The following SSBP2 variants were observed in gnomAD, a reference collection of about 807,000 sequenced individuals.
The protein encoded by SSBP2 is single-stranded DNA-binding protein 2.
In SSBP2, 17 loss-of-function variants were observed where a neutral mutation model predicts 61.8. That is an observed-to-expected ratio of 0.28 (90% CI 0.19 to 0.41). The LOEUF (loss-of-function observed/expected upper bound fraction) is 0.41, where lower values mean the gene tolerates loss of function less well. Ranked by LOEUF, SSBP2 falls within the 10% of genes least tolerant of loss-of-function variation. The pLI is 1.00. For missense variants in SSBP2, 310 were observed against 458.7 expected, an observed-to-expected ratio of 0.68 and a Z score of 2.96; for synonymous variants, 139 against 141.3, an observed-to-expected ratio of 0.98 and a Z score of 0.12.
intron 1 of SSBP2, among the ~76,000 whole-genome samples, chr5:81,742,057 G>C (rs1757059581): frequency 6.6e-6 from 1 of 152,108 alleles, no homozygotes; most frequent in African/African-American, 2.4e-5. Context: ...TATTACCCTA[G>C]CTGCATAAGT....
At chr5:81,651,398 G>C (rs1749717096) in intron 1 of SSBP2, among the ~76,000 whole-genome samples, 1 of 152,142 alleles carries the variant, frequency 6.6e-6, no homozygotes, top group Non-Finnish European at 1.5e-5. Context: ...CATGAAAAGA[G>C]AAAGCTTGTA....
chr5:81,645,125 C>G (rs1025380072), intron 2 of SSBP2, among the ~76,000 whole-genome samples: 1 of 152,152 alleles, frequency 6.6e-6, no homozygotes, highest in African/African-American at 2.4e-5. Flanking sequence ...AGTATTGTTA[C>G]AATTATCATC....
Position 81,420,318 on chromosome 5 carries a change from T to A in SSBP2, c.*186A>T, listed in dbSNP as rs1761518849. 1 of 618,472 alleles carries A rather than the reference T, an allele frequency of 1.6e-6. No individual in the cohort carries two copies. The allele number at this position is 618,472 out of a possible 1,614,324, so 38.3% of individuals were successfully genotyped here. ...AATTCTAATATGCCACTCCGTACAG[T>A]TGTTTGAATCACATTTGGACCCGCT... On this transcript the variant is annotated 3_prime_UTR_variant, in exon 17 of 17. Transcript: ENST00000320672.
intron 4 of SSBP2, among the ~76,000 whole-genome samples, chr5:81,587,763 GCA>G (rs60642395): frequency 0.024 from 3,635 of 148,904 alleles, 89 homozygotes; most frequent in African/African-American, 0.065. Flanking sequence ...ACACGCGCGC[GCA>G]CACACACACA....
intron 15 of SSBP2, among the ~76,000 whole-genome samples, chr5:81,434,943 T>C (rs1762582670): frequency 6.6e-6 from 1 of 152,034 alleles, no homozygotes; most frequent in African/African-American, 2.4e-5. Flanking sequence ...GGGTATACAA[T>C]GTGCACGATG....
chr5:81,684,036 T>C (rs1407643246), intron 1 of SSBP2, among the ~76,000 whole-genome samples: 1 of 152,202 alleles, frequency 6.6e-6, no homozygotes, highest in Non-Finnish European at 1.5e-5. Flanking sequence ...TGGAGGACAA[T>C]TTGGTAGCTT....
chr5:81,542,486 A>G (rs115462875), intron 4 of SSBP2, among the ~76,000 whole-genome samples: 1 of 152,264 alleles, frequency 6.6e-6, no homozygotes, highest in Non-Finnish European at 1.5e-5. Context: ...TACTCACAAT[A>G]GCAAAGACAT....
intron 1 of SSBP2, among the ~76,000 whole-genome samples, chr5:81,692,988 G>C (rs193100579): frequency 6.6e-6 from 1 of 151,862 alleles, no homozygotes; most frequent in South Asian, 2.1e-4. Context: ...GGTGGATCAC[G>C]AGGTCAGGAG....
chr5:81,475,169 C>G (rs1351214928), intron 6 of SSBP2, among the ~76,000 whole-genome samples: 1 of 152,132 alleles, frequency 6.6e-6, no homozygotes, highest in Non-Finnish European at 1.5e-5. Context: ...AAGTTTCTAA[C>G]AGTTGTCTCA....
chr5:81,519,835 T>C (rs1433236265), intron 4 of SSBP2, among the ~76,000 whole-genome samples: 1 of 152,192 alleles, frequency 6.6e-6, no homozygotes, highest in Non-Finnish European at 1.5e-5. Flanking sequence ...AGCATTCTCA[T>C]CATCTTTGCC....
At chr5:81,574,833 A>T (rs1219627724) in intron 4 of SSBP2, among the ~76,000 whole-genome samples, 1 of 152,196 alleles carries the variant, frequency 6.6e-6, no homozygotes, top group African/African-American at 2.4e-5. Context: ...TAAATCCAGC[A>T]AAAACATCCC....
intron 1 of SSBP2, 100 bp downstream of exon 1, chr5:81,750,881 C>A: frequency 7.4e-7 from 1 of 1,356,202 alleles, no homozygotes. Flanking sequence ...CCCCGGCGCT[C>A]CCCGGGCGGA....
At chr5:81,740,223 T>C (rs983666043) in intron 1 of SSBP2, among the ~76,000 whole-genome samples, 2 of 151,672 alleles carry the variant, frequency 1.3e-5, no homozygotes, top group Admixed American at 6.6e-5. Context: ...ATATATCTGA[T>C]AGCAAGAAAG....
intron 3 of SSBP2, among the ~76,000 whole-genome samples, chr5:81,628,107 A>C (rs1747354981): frequency 6.6e-6 from 1 of 152,180 alleles, no homozygotes; most frequent in African/African-American, 2.4e-5. Flanking sequence ...CTGCTAATAA[A>C]GACATACCTG....
chr5:81,619,475 CAA>C (rs1201977960), intron 3 of SSBP2, among the ~76,000 whole-genome samples: 1 of 118,890 alleles, frequency 8.4e-6, no homozygotes, highest in Non-Finnish European at 1.7e-5. Context: ...GTTTACCAAC[CAA>C]AAAGAGTCCA....
intron 4 of SSBP2, among the ~76,000 whole-genome samples, chr5:81,552,299 A>T (rs2154130691): frequency 6.6e-6 from 1 of 152,320 alleles, no homozygotes. Context: ...CCTAATATTT[A>T]ATTATCATCG....
At chr5:81,561,981 T>C (rs1581029098) in intron 4 of SSBP2, among the ~76,000 whole-genome samples, 1 of 152,170 alleles carries the variant, frequency 6.6e-6, no homozygotes, top group East Asian at 1.9e-4. Flanking sequence ...CTTGGCTCAC[T>C]GCAACCTCCA....
chr5:81,581,514 C>T (rs765743918), intron 4 of SSBP2, among the ~76,000 whole-genome samples: 2 of 152,242 alleles, frequency 1.3e-5, no homozygotes, highest in African/African-American at 2.4e-5. Flanking sequence ...TCCATTTCAA[C>T]CTTTTAAAAA....
chr5:81,488,033 A>G (rs1766531029), intron 6 of SSBP2, among the ~76,000 whole-genome samples: 2 of 16,048 alleles, frequency 1.2e-4, no homozygotes, highest in Non-Finnish European at 2.3e-4. Flanking sequence ...ATATATATAT[A>G]TATATATATA....
Sources: allele counts gnomAD v4.1 joint callset (sites outside exome capture counted in the v4.1 genomes callset), GRCh38; gene constraint gnomAD v4.1.1; transcripts MANE v1.5; gene names NCBI Gene and HGNC (gene_info 2026-07-23, HGNC 2026-07-21).